Variants in PAX2 observed in about 807,000 individuals in gnomAD.
The protein encoded by PAX2 is paired box 2, also known as paired box protein Pax-2.
In PAX2, 9 loss-of-function variants were observed where a neutral mutation model predicts 41.7. The observed-to-expected ratio is 0.22, with a 90% CI of 0.13 to 0.38. The LOEUF (loss-of-function observed/expected upper bound fraction) is 0.38, where lower values mean the gene tolerates loss of function less well. Among genes scored for constraint, PAX2 ranks in the 10% least tolerant of loss-of-function variants. PAX2 has a pLI of 1.00. For missense variants in PAX2, 418 were observed against 531.6 expected (o/e 0.79, Z 2.10); for synonymous variants, 221 against 212.7 (o/e 1.04, Z -0.34).
At chr10:100,784,731 C>T (rs557836133) in intron 5 of PAX2, among the ~76,000 whole-genome samples, 63 of 152,246 alleles carry the variant, frequency 4.1e-4, no homozygotes, top group African/African-American at 1.4e-3. Flanking sequence ...GGAATATGGA[C>T]AGTGTTATTA....
rs537638814 is a variant in PAX2, at chr10:100,798,931, G to A, written c.617-7499G>A. Reference sequence around the variant, plus strand: ...GCAGGCTGCCCTGAATGACAAGCGGGGATATTGATCGCGTTCTGAACTCAG... The same window carrying A: ...GCAGGCTGCCCTGAATGACAAGCGGAGATATTGATCGCGTTCTGAACTCAG... On this transcript the variant is annotated intron_variant, in intron 5 of 9. Transcript: ENST00000355243. 6.6e-5 allele frequency among the ~76,000 whole-genome samples: 10 copies of A among 152,348 alleles called. 1 individual carries two copies. Among genetic ancestry groups the A allele is most frequent in the Admixed American group, 5.9e-4 (9 of 15,304 alleles).
At chr10:100,812,747 T>C in intron 7 of PAX2, among the ~76,000 whole-genome samples, 1 of 152,226 alleles carries the variant, frequency 6.6e-6, no homozygotes, top group East Asian at 1.9e-4. Flanking sequence ...GGCAGTGATG[T>C]TGATCTGGGA....
At chr10:100,808,833 G>A (rs954458496) in intron 6 of PAX2, among the ~76,000 whole-genome samples, 4 of 152,052 alleles carry the variant, frequency 2.6e-5, no homozygotes, top group Non-Finnish European at 5.9e-5. Context: ...TACCCGCAGG[G>A]GTGCTTAGGC....
chr10:100,751,738 A>C (rs1022895633), intron 3 of PAX2, among the ~76,000 whole-genome samples: 3 of 151,218 alleles, frequency 2.0e-5, no homozygotes, highest in Middle Eastern at 6.8e-3. Flanking sequence ...GTGTGCCAAT[A>C]TGCCTATCTG....
chr10:100,806,426 C>T lies in PAX2; in HGVS notation c.617-4C>T, dbSNP rs1392405060. 2.5e-6 allele frequency: 4 copies of T among 1,614,198 alleles called. No homozygotes were observed. The highest frequency in any genetic ancestry group is 3.3e-5 in the Admixed American group (2 of 60,036). ...AACGCCCCGAGTGTCCATGTGTTCT[C>T]CAGATGTGTCTGAGGGCTCAGTCCC... On this transcript the variant is annotated splice_region_variant and splice_polypyrimidine_tract_variant and intron_variant, in intron 5 of 9. Transcript: ENST00000355243.
At chr10:100,753,845 G>A (rs1002963398) in intron 3 of PAX2, among the ~76,000 whole-genome samples, 3 of 152,242 alleles carry the variant, frequency 2.0e-5, no homozygotes, top group African/African-American at 7.2e-5. Context: ...CATCCAGCCT[G>A]TATTCTCCAC....
At position 100,828,836 on chromosome 10, in the gene PAX2, A is replaced by G; in HGVS notation, c.*1217A>G. 4.3e-6 allele frequency: 1 copy of G among 231,930 alleles called. No individual in the cohort carries two copies. The highest frequency in any genetic ancestry group is 8.6e-6 in the Non-Finnish European group (1 of 116,868). The allele number at this position is 231,930 out of a possible 1,614,324, so 14.4% of individuals were successfully genotyped here. On this transcript the variant is annotated 3_prime_UTR_variant, in exon 10 of 10. Coordinates refer to ENST00000355243, the MANE Select transcript of PAX2 (RefSeq NM_000278.5). This position sits in a 1 kb window ranked among gnomAD's most constrained non-coding sequence, Gnocchi z 6.5. The stretch of plus-strand genomic sequence containing the variant: ...TTTGCAAAAAGGAACAAAACAACAC[A>G]AAAGCCCACCAGGCTGCTGCTTTGT...
intron 1 of PAX2, among the ~76,000 whole-genome samples, chr10:100,739,070 ACT>A (rs1257982243): frequency 6.8e-6 from 1 of 147,386 alleles, no homozygotes; most frequent in African/African-American, 2.5e-5. Flanking sequence ...AGCCACCGCA[ACT>A]CTCAGCAGCA....
chr10:100,777,390 C>A (rs1846434170), intron 3 of PAX2, among the ~76,000 whole-genome samples: 1 of 126,830 alleles, frequency 7.9e-6, no homozygotes, highest in Non-Finnish European at 1.8e-5. Context: ...TGAGCCACCG[C>A]ATCTGGCCTT....
At chr10:100,745,434 T>C (rs1246741756), upstream of PAX2, among the ~76,000 whole-genome samples, 1 of 147,690 alleles carries the variant, frequency 6.8e-6, no homozygotes, top group Non-Finnish European at 1.5e-5. Flanking sequence ...TCGCCGAAGC[T>C]CGGGGCTCCA....
Position 100,827,918 on chromosome 10 carries a change from CTCG to C in PAX2, c.*302_*304del. 1 of 418,460 alleles carries C rather than the reference CTCG, an allele frequency of 2.4e-6. No individual in the cohort carries two copies. The highest frequency in any genetic ancestry group is 2.1e-5 in the African/African-American group (1 of 47,186). The allele number at this position is 418,460 out of a possible 1,614,324, so 25.9% of individuals were successfully genotyped here. ...GCGCCGTGAGGGGGATTCGGCCCAG[CTCG>C]TCCCGGCCTCCACCAAGCCAGCCCC... On this transcript the variant is annotated 3_prime_UTR_variant, in exon 10 of 10. Transcript: ENST00000355243. This position sits in a 1 kb window ranked among gnomAD's most constrained non-coding sequence, Gnocchi z 8.5.
At chr10:100,751,805 G>T (rs1039080005) in intron 3 of PAX2, among the ~76,000 whole-genome samples, 1 of 152,108 alleles carries the variant, frequency 6.6e-6, no homozygotes, top group Non-Finnish European at 1.5e-5. Context: ...CTGGTTTCAA[G>T]ATCACAGAAC....
At chr10:100,747,763 G>C (rs1845250626) in intron 1 of PAX2, 1 of 985,092 alleles carries the variant, frequency 1.0e-6, no homozygotes, top group African/African-American at 1.7e-5. Context: ...GGCCTCCGCG[G>C]GTCTCGGCGA....
chr10:100,822,456 T>C (rs1028375023), intron 7 of PAX2, among the ~76,000 whole-genome samples: 1 of 152,200 alleles, frequency 6.6e-6, no homozygotes, highest in African/African-American at 2.4e-5. Flanking sequence ...GTGCAATAGA[T>C]TGATGGACGA....
intron 5 of PAX2, among the ~76,000 whole-genome samples, chr10:100,782,740 T>C (rs898223259): frequency 3.3e-5 from 5 of 152,290 alleles, no homozygotes; most frequent in Non-Finnish European, 7.3e-5. Context: ...TGCCATTCAC[T>C]AAATTTCATT....
At position 100,824,673 on chromosome 10, in the gene PAX2, G is replaced by C. The variant is rs1365331619; in HGVS notation, c.945G>C (p.Leu315=). 1.2e-6 allele frequency: 2 copies of C among 1,610,058 alleles called. No homozygotes were observed. The highest frequency in any genetic ancestry group is 2.7e-5 in the African/African-American group (2 of 74,776). Residue 315 remains leucine, a synonymous_variant, in exon 8 of 10, where the codon CTG becomes CTC. Transcript: ENST00000355243. This position sits in a 1 kb window ranked among gnomAD's most constrained non-coding sequence, Gnocchi z 6.6. ...VTGRDMASTT[L]PGYPPHVPPT... is the part of the protein sequence containing the mutation. ...GTCGTGACATGGCGAGCACCACTCT[G>C]CCTGGTTACCCCCCTCACGTGCCCC...
At chr10:100,795,462 G>A (rs1205389934) in intron 5 of PAX2, among the ~76,000 whole-genome samples, 1 of 152,204 alleles carries the variant, frequency 6.6e-6, no homozygotes, top group African/African-American at 2.4e-5. Flanking sequence ...CTAGGGAAGT[G>A]TTTATGAGGG....
At chr10:100,742,843 C>CTTTTTTTTTTT (rs61627823), upstream of PAX2, among the ~76,000 whole-genome samples, 68 of 41,260 alleles carry the variant, frequency 1.6e-3, 19 homozygotes, top group South Asian at 2.3e-3. Flanking sequence ...TTCTTTCTTC[C>CTTTTTTTTTTT]TTTTTTTTTT....
chr10:100,777,531 A>C (rs537318095), intron 3 of PAX2, among the ~76,000 whole-genome samples: 1 of 151,750 alleles, frequency 6.6e-6, no homozygotes, highest in African/African-American at 2.4e-5. Flanking sequence ...AATAGCTAAG[A>C]TTACAGGTAT....
Sources: allele counts gnomAD v4.1 joint callset (sites outside exome capture counted in the v4.1 genomes callset), GRCh38; gene constraint gnomAD v4.1.1; non-coding constraint Gnocchi (gnomAD v3.1); transcripts MANE v1.5; gene names NCBI Gene and HGNC (gene_info 2026-07-23, HGNC 2026-07-21).